Variants in DOCK3 observed in about 807,000 individuals in gnomAD.
DOCK3 encodes the protein dedicator of cytokinesis 3.
DOCK3 carries 60 observed loss-of-function variants against 265.6 expected under a neutral mutation model. That is an observed-to-expected ratio of 0.23 (90% confidence interval 0.18 to 0.28). The LOEUF is 0.28. Ranked by LOEUF, DOCK3 falls within the 10% of genes least tolerant of loss-of-function variation. The probability of loss-of-function intolerance (pLI) is 1.00; values close to 1 mark genes in which losing one functional copy is unlikely to be tolerated. For synonymous variants in DOCK3, 881 were observed against 938.0 expected (o/e 0.94, Z 1.11); for missense variants, 1,981 against 2,594.3 (o/e 0.76, Z 5.14).
At chr3:50,807,953 G>T (rs1221140385) in intron 2 of DOCK3, among the ~76,000 whole-genome samples, 2 of 152,174 alleles carry the variant, frequency 1.3e-5, no homozygotes, top group East Asian at 3.8e-4. Context: ...ATTTCGCCAT[G>T]TTGCCCAGGC....
intron 38 of DOCK3, among the ~76,000 whole-genome samples, chr3:51,348,622 G>T (rs1260940714): frequency 2.6e-5 from 4 of 152,206 alleles, no homozygotes; most frequent in African/African-American, 9.6e-5. Context: ...GTCAGGGAAG[G>T]CCTCTTGGAG....
At chr3:50,822,979 A>C (rs187475079) in intron 2 of DOCK3, among the ~76,000 whole-genome samples, 104 of 152,262 alleles carry the variant, frequency 6.8e-4, no homozygotes, top group African/African-American at 2.4e-3. Context: ...CTGGGAACTG[A>C]TTTGTGTTTG....
At chr3:51,016,503 A>AAT (rs1334223176) in intron 5 of DOCK3, among the ~76,000 whole-genome samples, 4 of 91,228 alleles carry the variant, frequency 4.4e-5, no homozygotes, top group African/African-American at 2.0e-4. Context: ...ATTTCTACAT[A>AAT]ATATATATAT....
intron 1 of DOCK3, among the ~76,000 whole-genome samples, chr3:50,761,567 C>G (rs1471036817): frequency 6.6e-6 from 1 of 152,152 alleles, no homozygotes; most frequent in African/African-American, 2.4e-5. Flanking sequence ...GGGAAGCCGT[C>G]AAAAGTGCTG....
intron 12 of DOCK3, among the ~76,000 whole-genome samples, chr3:51,198,442 G>T (rs1172456313): frequency 5.3e-5 from 8 of 152,108 alleles, no homozygotes; most frequent in South Asian, 4.2e-4. Context: ...ATCTTCCTAG[G>T]GATCTCCCAC....
chr3:51,077,606 A>T (rs138284557), intron 7 of DOCK3, among the ~76,000 whole-genome samples: 4 of 152,216 alleles, frequency 2.6e-5, no homozygotes. Flanking sequence ...ATGTGTGTAT[A>T]CAAGAAAGAG....
At chr3:50,956,133 G>A (rs1200904447) in intron 5 of DOCK3, among the ~76,000 whole-genome samples, 1 of 151,728 alleles carries the variant, frequency 6.6e-6, no homozygotes, top group Non-Finnish European at 1.5e-5. Flanking sequence ...CAGAATTTGA[G>A]AAGTCAGCTG....
At chr3:50,858,502 T>G (rs2107476293) in intron 3 of DOCK3, among the ~76,000 whole-genome samples, 1 of 151,972 alleles carries the variant, frequency 6.6e-6, no homozygotes, top group South Asian at 2.1e-4. Flanking sequence ...CTTGTAGGGT[T>G]TCAGCTGAGA....
chr3:51,177,252 AAAC>A (rs1207255690), intron 12 of DOCK3, among the ~76,000 whole-genome samples: 6 of 152,356 alleles, frequency 3.9e-5, no homozygotes, highest in African/African-American at 1.4e-4. Flanking sequence ...CAAAACAAAG[AAAC>A]AATAACCAAA....
intron 7 of DOCK3, among the ~76,000 whole-genome samples, chr3:51,078,924 C>G (rs2082137837): frequency 6.6e-6 from 1 of 152,098 alleles, no homozygotes; most frequent in South Asian, 2.1e-4. Context: ...GTCTTTTTAT[C>G]TCATGTATTT....
chr3:51,190,572 G>A (rs2087881732), intron 12 of DOCK3, among the ~76,000 whole-genome samples: 1 of 152,196 alleles, frequency 6.6e-6, no homozygotes, highest in Admixed American at 6.5e-5. Flanking sequence ...TCTGGACACA[G>A]TGTTATTCTA....
intron 7 of DOCK3, 73 bp from the exon 8 acceptor site, chr3:51,089,170 G>C: frequency 1.3e-6 from 2 of 1,482,904 alleles, no homozygotes; most frequent in Non-Finnish European, 1.8e-6. Flanking sequence ...AGACTGCCCA[G>C]CATATAGAAA....
intron 27 of DOCK3, among the ~76,000 whole-genome samples, chr3:51,309,251 G>T (rs1340534638): frequency 1.3e-5 from 2 of 152,210 alleles, no homozygotes; most frequent in Non-Finnish European, 2.9e-5. Flanking sequence ...GGTAGAGGTT[G>T]TAGCAAGCCG....
Position 51,381,079 on chromosome 3 carries a change from C to G in DOCK3, c.5613C>G (p.Pro1871=), listed in dbSNP as rs371225174. 1.0e-5 allele frequency: 16 copies of G among 1,607,292 alleles called. No homozygotes were observed. Among genetic ancestry groups the G allele is most frequent in the South Asian group, 3.3e-5 (3 of 90,690 alleles). The change falls in exon 53 of 53, where the codon CCC becomes CCG. Residue 1871 remains proline (P), a synonymous_variant. Transcript: ENST00000266037. The surrounding 1 kb of genome is among the most constrained non-coding windows in gnomAD (Gnocchi z 5.6). ...CTCTCCACCCTATCCCAGCCTCCCCCACAAGCCCCCAGTCAGGTCTGGACG... is the reference window on the plus strand; with the variant it reads ...CTCTCCACCCTATCCCAGCCTCCCCGACAAGCCCCCAGTCAGGTCTGGACG... ...KSPLHPIPAS[P]TSPQSGLDGS...
At chr3:50,989,613 A>C (rs1228993863) in intron 5 of DOCK3, among the ~76,000 whole-genome samples, 1 of 152,178 alleles carries the variant, frequency 6.6e-6, no homozygotes, top group Non-Finnish European at 1.5e-5. Flanking sequence ...CCTGCAGAGT[A>C]CCTCAGCCCA....
At chr3:51,354,061 A>T (rs1055332558) in intron 40 of DOCK3, among the ~76,000 whole-genome samples, 12 of 152,208 alleles carry the variant, frequency 7.9e-5, no homozygotes, top group Non-Finnish European at 1.5e-4. Context: ...ACTTAGCATG[A>T]TGTTTATTTG....
intron 9 of DOCK3, among the ~76,000 whole-genome samples, chr3:51,096,154 A>G (rs576275765): frequency 9.9e-5 from 15 of 152,062 alleles, no homozygotes; most frequent in Admixed American, 7.9e-4. Flanking sequence ...GGTGTTCTCT[A>G]TATTTCCTGA....
chr3:50,744,986 C>A (rs1327356361), intron 1 of DOCK3, among the ~76,000 whole-genome samples: 1 of 152,124 alleles, frequency 6.6e-6, no homozygotes, highest in Non-Finnish European at 1.5e-5. Flanking sequence ...GCTTTGAAAC[C>A]AGAAAGTGTG....
intron 1 of DOCK3, among the ~76,000 whole-genome samples, chr3:50,716,353 C>G (rs1001795810): frequency 6.6e-6 from 1 of 151,804 alleles, no homozygotes; most frequent in Non-Finnish European, 1.5e-5. Context: ...TGGTGAAACC[C>G]CATCTCTACT....
Sources: allele counts gnomAD v4.1 joint callset (sites outside exome capture counted in the v4.1 genomes callset), GRCh38; gene constraint gnomAD v4.1.1; non-coding constraint Gnocchi (gnomAD v3.1); transcripts MANE v1.5; gene names NCBI Gene and HGNC (gene_info 2026-07-23, HGNC 2026-07-21).